CSNK1G1: variants seen among roughly 807,000 people sequenced by gnomAD.
The protein encoded by CSNK1G1 is casein kinase I isoform gamma-1.
In CSNK1G1, 22 loss-of-function variants were observed where a neutral mutation model predicts 59.6. The observed-to-expected ratio is 0.37, with a 90% CI of 0.26 to 0.53. CSNK1G1 has a LOEUF of 0.53. Ranked by LOEUF, CSNK1G1 falls within the 20% of genes least tolerant of loss-of-function variation. CSNK1G1 has a pLI of 0.89. For missense variants in CSNK1G1, 384 were observed against 519.5 expected (o/e 0.74, Z 2.54); for synonymous variants, 179 against 177.1 (o/e 1.01, Z -0.08).
chr15:64,188,182 C>G lies in CSNK1G1; in HGVS notation c.1108-7728G>C, dbSNP rs1396523786. Among the ~76,000 whole-genome samples the G allele has an allele frequency of 6.6e-6, 1 of 151,920 alleles. No homozygotes were observed. The highest frequency in any genetic ancestry group is 1.5e-5 in the Non-Finnish European group (1 of 67,992). ...AGAAATCATATAGATGTTTCTTAGT[C>G]AATGACAACAGGAAGTAATCATTTT... is the stretch of plus-strand genomic sequence containing the variant. On this transcript the variant is annotated intron_variant, in intron 10 of 11. Transcript: ENST00000303052. The surrounding 1 kb of genome is among the most constrained non-coding windows in gnomAD (Gnocchi z 4.2).
chr15:64,316,074 C>T (rs1044987898), intron 1 of CSNK1G1, among the ~76,000 whole-genome samples: 2 of 152,076 alleles, frequency 1.3e-5, no homozygotes, highest in Admixed American at 6.6e-5. Context: ...TCAGCTACGC[C>T]GGAGTGCAGT....
intron 2 of CSNK1G1, among the ~76,000 whole-genome samples, chr15:64,272,232 T>C (rs996887742): frequency 2.6e-5 from 4 of 152,088 alleles, no homozygotes; most frequent in Admixed American, 2.6e-4. Context: ...TTTTTTTCTT[T>C]TGAGATGGAG....
At chr15:64,204,375 T>C (rs1003810040) in intron 9 of CSNK1G1, 66 bp downstream of exon 9, 4 of 1,292,064 alleles carry the variant, frequency 3.1e-6, no homozygotes, top group Non-Finnish European at 3.2e-6. Context: ...AGTAAAGGCA[T>C]GAGGCAGTGC....
intron 2 of CSNK1G1, among the ~76,000 whole-genome samples, chr15:64,293,611 C>T (rs1894858397): frequency 6.6e-6 from 1 of 152,200 alleles, no homozygotes; most frequent in Non-Finnish European, 1.5e-5. Context: ...AGAAATTAAA[C>T]CAACTTTAAA....
At chr15:64,237,314 T>C (rs531221861) in intron 4 of CSNK1G1, among the ~76,000 whole-genome samples, 2 of 152,338 alleles carry the variant, frequency 1.3e-5, no homozygotes, top group Admixed American at 1.3e-4. Context: ...TCCCTGAATT[T>C]AGGAGTATAG....
At chr15:64,240,005 G>T (rs972044773) in intron 4 of CSNK1G1, among the ~76,000 whole-genome samples, 9 of 152,172 alleles carry the variant, frequency 5.9e-5, no homozygotes, top group African/African-American at 2.2e-4. Context: ...AGGCTGAGGC[G>T]GGTGGATCAC....
chr15:64,339,596 A>G (rs1480697554), intron 1 of CSNK1G1, among the ~76,000 whole-genome samples: 1 of 152,206 alleles, frequency 6.6e-6, no homozygotes. Context: ...TACAGACATG[A>G]GCCCAGCCAG....
chr15:64,229,506 TTC>T lies in CSNK1G1; in HGVS notation c.293-12795_293-12794del, dbSNP rs909488428. Among the ~76,000 whole-genome samples the T allele has an allele frequency of 4.0e-5, 6 of 149,408 alleles. No homozygotes were observed. The South Asian group carries it at 6.4e-4, about 16-fold the overall frequency. On this transcript the variant is annotated intron_variant, in intron 4 of 11. Transcript: ENST00000303052. ...GTGGAACTATAGAGAAGGAGGAGTA[TTC>T]TCTCTCTTTCTCTCTCTCTTTCTCT...
rs1032460250 is a variant in CSNK1G1, at chr15:64,166,439, T to G, written c.*5492A>C. 2 of 156,180 alleles carry G rather than the reference T, an allele frequency of 1.3e-5. No individual in the cohort carries two copies. Among genetic ancestry groups the G allele is most frequent in the African/African-American group, 4.8e-5 (2 of 41,568 alleles). The allele number at this position is 156,180 out of a possible 1,614,324, so 9.7% of individuals were successfully genotyped here. A position where few individuals can be genotyped will look rare whatever the true frequency, so the allele number is the denominator to read the frequency against. On this transcript the variant is annotated 3_prime_UTR_variant, in exon 12 of 12. Transcript: ENST00000303052. This position sits in a 1 kb window ranked among gnomAD's most constrained non-coding sequence, Gnocchi z 4.5. Reference sequence around the variant, plus strand: ...TGAGACACTAATTTCAGAAGCTCACTTGTCACTTGTTTAACCTCTGAGAAT... The same window carrying G: ...TGAGACACTAATTTCAGAAGCTCACGTGTCACTTGTTTAACCTCTGAGAAT...
intron 3 of CSNK1G1, among the ~76,000 whole-genome samples, chr15:64,251,832 C>T (rs1892103541): frequency 1.3e-5 from 2 of 152,146 alleles, no homozygotes; most frequent in South Asian, 4.1e-4. Flanking sequence ...TCAAGGATAT[C>T]TTTCTTGCAA....
intron 10 of CSNK1G1, among the ~76,000 whole-genome samples, chr15:64,184,539 T>C (rs2081864410): frequency 6.6e-6 from 1 of 151,238 alleles, no homozygotes; most frequent in Non-Finnish European, 1.5e-5. Context: ...CAGCTGGGCG[T>C]GGTGGCGGGC....
chr15:64,287,241 G>A (rs918077709), intron 2 of CSNK1G1, among the ~76,000 whole-genome samples: 2 of 152,034 alleles, frequency 1.3e-5, no homozygotes, highest in African/African-American at 4.8e-5. Context: ...TCTTTAAAAC[G>A]ATGACAGTTG....
At chr15:64,292,068 G>A (rs1440620117) in intron 2 of CSNK1G1, among the ~76,000 whole-genome samples, 1 of 152,044 alleles carries the variant, frequency 6.6e-6, no homozygotes, top group Admixed American at 6.6e-5. Context: ...AAATTAGTCA[G>A]GCGTGGTGGC....
intron 11 of CSNK1G1, among the ~76,000 whole-genome samples, chr15:64,178,706 T>G (rs2081771693): frequency 6.6e-6 from 1 of 151,954 alleles, no homozygotes; most frequent in African/African-American, 2.4e-5. Context: ...GGTCTCAATC[T>G]CTTGACCTTG....
intron 2 of CSNK1G1, among the ~76,000 whole-genome samples, chr15:64,291,392 G>C (rs1350430976): frequency 1.3e-5 from 2 of 151,954 alleles, no homozygotes; most frequent in African/African-American, 4.8e-5. Context: ...TTTGAGACCA[G>C]CCTGGCCAAC....
At chr15:64,290,963 T>C (rs1328293061) in intron 2 of CSNK1G1, among the ~76,000 whole-genome samples, 1 of 152,130 alleles carries the variant, frequency 6.6e-6, no homozygotes, top group Admixed American at 6.5e-5. Flanking sequence ...ATCTGTCTGC[T>C]TTGGCCTCCC....
At position 64,314,304 on chromosome 15, in the gene CSNK1G1, G is replaced by A. The variant is rs77974486; in HGVS notation, c.-224-13581C>T. On this transcript the variant is annotated intron_variant, in intron 1 of 11. Coordinates refer to ENST00000303052, the MANE Select transcript of CSNK1G1 (RefSeq NM_022048.5). ...GCATGGAAGAGTTTTAGATAGAGGG[G>A]TGGGAAGCCTTTTATTAGAAGACAC... Among the ~76,000 whole-genome samples, 5,253 of 152,122 alleles carry A rather than the reference G, an allele frequency of 0.035. 420 individuals are homozygous for A. The East Asian group carries it at 0.38, about 11-fold the overall frequency.
intron 3 of CSNK1G1, among the ~76,000 whole-genome samples, chr15:64,254,400 C>T (rs1483007049): frequency 2.0e-5 from 3 of 148,266 alleles, no homozygotes; most frequent in Non-Finnish European, 3.0e-5. Context: ...GTTGCCCAGG[C>T]TGGAGTGCAA....
chr15:64,166,922 CT>C lies in CSNK1G1; in HGVS notation c.*5008del, dbSNP rs936439037. On this transcript the variant is annotated 3_prime_UTR_variant, in exon 12 of 12. Transcript: ENST00000303052. This position sits in a 1 kb window ranked among gnomAD's most constrained non-coding sequence, Gnocchi z 4.5. ...TAAAAGAAGAAAAATAAAAGAAATTCTGTCTACAGAACGGAGGTTTCTTTGT... is the reference window on the plus strand; with the variant it reads ...TAAAAGAAGAAAAATAAAAGAAATTCGTCTACAGAACGGAGGTTTCTTTGT... 3 of 152,446 alleles carry C rather than the reference CT, an allele frequency of 2.0e-5. No homozygotes were observed. Among genetic ancestry groups the C allele is most frequent in the Non-Finnish European group, 2.9e-5 (2 of 68,038 alleles). 9.4% of individuals were successfully genotyped at this position (152,446 alleles called of 1,614,324 possible). A position where few individuals can be genotyped will look rare whatever the true frequency, so the allele number is the denominator to read the frequency against.
Sources: allele counts gnomAD v4.1 joint callset (sites outside exome capture counted in the v4.1 genomes callset), GRCh38; gene constraint gnomAD v4.1.1; non-coding constraint Gnocchi (gnomAD v3.1); transcripts MANE v1.5; gene names NCBI Gene and HGNC (gene_info 2026-07-23, HGNC 2026-07-21).